Variants in EIF4G2 observed in about 807,000 individuals in gnomAD.
EIF4G2 encodes the protein DAP-5.
Under a neutral mutation model 117.7 loss-of-function variants are expected in EIF4G2, and 8 were observed. That is an observed-to-expected ratio of 0.07 (90% CI 0.04 to 0.12). The LOEUF (loss-of-function observed/expected upper bound fraction) is 0.12. Among genes scored for constraint, EIF4G2 ranks in the 10% least tolerant of loss-of-function variants. The pLI, the probability that EIF4G2 is intolerant of heterozygous loss-of-function variation, is 1.00. For missense variants in EIF4G2, 812 were observed against 1,086.2 expected (o/e 0.75, Z 3.55); for synonymous variants, 413 against 367.8 (o/e 1.12, Z -1.41).
chr11:10,797,573 AT>A lies in EIF4G2; in HGVS notation c.*242del, dbSNP rs1847292993. 2.1e-6 allele frequency: 1 copy of A among 473,076 alleles called. No individual in the cohort carries two copies. The highest frequency in any genetic ancestry group is 3.8e-6 in the Non-Finnish European group (1 of 265,338). The allele number at this position is 473,076 out of a possible 1,614,324, so 29.3% of individuals were successfully genotyped here. On this transcript the variant is annotated 3_prime_UTR_variant, in exon 22 of 22. Transcript: ENST00000339995. The surrounding 1 kb of genome is among the most constrained non-coding windows in gnomAD (Gnocchi z 4.5). Reference sequence around the variant, plus strand: ...CTGCTTGAGAACTTATGATGTAATTATTGCATGCTGCTAATATACTATCTAA... The same window carrying A: ...CTGCTTGAGAACTTATGATGTAATTATGCATGCTGCTAATATACTATCTAA...
rs776858533 is a variant in EIF4G2 at position 10,800,827 on chromosome 11, C to G, written c.1548G>C (p.Gln516His). 3.7e-6 allele frequency: 6 copies of G among 1,613,946 alleles called. No individual in the cohort carries two copies. The highest frequency in any genetic ancestry group is 5.1e-6 in the Non-Finnish European group (6 of 1,179,962). Reference sequence around the variant, plus strand: ...GCGGTGGATTAGTTTTGAGACCAAGCTGAGGTGTCTAAAAAACAAGCAATG... The same window carrying G: ...GCGGTGGATTAGTTTTGAGACCAAGGTGAGGTGTCTAAAAAACAAGCAATG... Residue 516 changes from glutamine to histidine, a missense_variant, in exon 16 of 22, where the codon CAG becomes CAC. Physicochemically the swap from Gln to His is conservative, Grantham distance 24. This residue lies in a region of EIF4G2 where 571 missense variants were observed against 642.3 expected (regional missense o/e 0.89). Coordinates refer to ENST00000339995, the MANE Select transcript of EIF4G2 (RefSeq NM_001418.4).
In EIF4G2 at chr11:10,805,926, T is replaced by C. The variant is rs1437274262; in HGVS notation, c.229A>G (p.Ile77Val). 1 of 1,614,126 alleles carries C rather than the reference T, an allele frequency of 6.2e-7. No individual in the cohort carries two copies. The highest frequency in any genetic ancestry group is 8.5e-7 in the Non-Finnish European group (1 of 1,180,052). ...ACTTACCCTCTTACTTTCCTGAAGA[T>C]TGCATCATGTCGTTCTTTTTCGTTT... Residue 77 changes from isoleucine (I) to valine (V), a missense_variant, in exon 4 of 22, where the codon ATC becomes GTC. Coordinates refer to ENST00000339995, the MANE Select transcript of EIF4G2 (RefSeq NM_001418.4).
rs368106384 is a variant in EIF4G2, at chr11:10,803,137, G to A, written c.898-9C>T. Reference sequence around the variant, plus strand: ...CGCAACTCTACGGTATCCTTTAATTGAAAAATAATTTTATTTTAATATTCC... The same window carrying A: ...CGCAACTCTACGGTATCCTTTAATTAAAAAATAATTTTATTTTAATATTCC... On this transcript the variant is annotated splice_polypyrimidine_tract_variant and intron_variant, in intron 10 of 21. Transcript: ENST00000339995. This position sits in a 1 kb window ranked among gnomAD's most constrained non-coding sequence, Gnocchi z 4.0. 119 of 1,603,602 alleles carry A rather than the reference G, an allele frequency of 7.4e-5. No individual in the cohort carries two copies. Among genetic ancestry groups the A allele is most frequent in the Non-Finnish European group, 9.2e-5 (108 of 1,176,566 alleles).
chr11:10,803,045 A>C lies in EIF4G2; in HGVS notation c.981T>G (p.Arg327=). The change falls in exon 11 of 22, where the codon CGT becomes CGG. Residue 327 remains arginine (R), a synonymous_variant. Transcript: ENST00000339995. This position sits in a 1 kb window ranked among gnomAD's most constrained non-coding sequence, Gnocchi z 4.0. ...CCAATCTTACTTTTACTGCATCTTG[A>C]CGAATTTGATTGATCGTCTTTGGTC... The C allele has an allele frequency of 6.2e-7, 1 of 1,609,506 alleles. No individual in the cohort carries two copies. The highest frequency in any genetic ancestry group is 8.5e-7 in the Non-Finnish European group (1 of 1,178,010).
At chr11:10,802,236 C>G in intron 12 of EIF4G2, 27 bp from the exon 13 acceptor site, 1 of 1,612,032 alleles carries the variant, frequency 6.2e-7, no homozygotes, top group South Asian at 1.1e-5. Context: ...GGACAACTCT[C>G]AAAACTAAAG....
chr11:10,805,048 G>A (rs1847524371), intron 4 of EIF4G2, 33 bp from the exon 5 acceptor site: 1 of 1,500,944 alleles, frequency 6.7e-7, no homozygotes, highest in African/African-American at 1.4e-5. Flanking sequence ...TTAAGTGTTA[G>A]CTAATACACA....
At chr11:10,798,936 A>T in intron 21 of EIF4G2, 56 bp downstream of exon 21, 2 of 1,561,536 alleles carry the variant, frequency 1.3e-6, no homozygotes, top group South Asian at 1.2e-5. Context: ...TCTTAACTTG[A>T]AGTTAATACC....
Position 10,801,068 on chromosome 11 carries a change from T to A in EIF4G2, c.1433A>T (p.Gln478Leu). Residue 478 changes from glutamine (Q) to leucine (L), a missense_variant, in exon 15 of 22, where the codon CAG (glutamine) becomes CTG (leucine). Physicochemically the swap from Gln to Leu is moderately radical, Grantham distance 113 (BLOSUM62 -2). This residue lies in a region of EIF4G2 where 571 missense variants were observed against 642.3 expected (regional missense o/e 0.89). Coordinates refer to ENST00000339995, the MANE Select transcript of EIF4G2 (RefSeq NM_001418.4). ...TTGATTTTTATTCATTAGGAACGAC[T>A]GAGCAGGCCTCAGGCTAATCTGGAA... 6.2e-7 allele frequency: 1 copy of A among 1,614,146 alleles called. No homozygotes were observed. The highest frequency in any genetic ancestry group is 8.5e-7 in the Non-Finnish European group (1 of 1,179,998).
rs776879600 is a variant in EIF4G2 at position 10,806,854 on chromosome 11, C to T, written c.73G>A (p.Ala25Thr). The change falls in exon 3 of 22, where the codon GCA (alanine) becomes ACA (threonine). Residue 25 changes from alanine to threonine, a missense_variant. Around this residue, in one of 4 missense-constraint regions of EIF4G2, gnomAD observed 79 missense variants for 91.5 expected, o/e 0.86. Transcript: ENST00000339995. ...GCAGTCTTGGGATAGTGCTGAGGTGCACCCCTACTTCCTCCTCCGCCCGAA... is the reference window on the plus strand; with the variant it reads ...GCAGTCTTGGGATAGTGCTGAGGTGTACCCCTACTTCCTCCTCCGCCCGAA... 1.2e-6 allele frequency: 2 copies of T among 1,614,136 alleles called. No homozygotes were observed. Among genetic ancestry groups the T allele is most frequent in the East Asian group, 2.2e-5 (1 of 44,878 alleles).
intron 1 of EIF4G2, chr11:10,808,478 C>A: frequency 8.0e-7 from 1 of 1,252,974 alleles, no homozygotes; most frequent in East Asian, 7.6e-5. Context: ...CATGACCGCA[C>A]GGCGGCCTGG....
At chr11:10,802,473 G>A (rs1590041935) in intron 11 of EIF4G2, 38 bp from the exon 12 acceptor site, 1 of 1,514,728 alleles carries the variant, frequency 6.6e-7, no homozygotes. Flanking sequence ...TTTGTCTCTG[G>A]ACACTATTTC....
At chr11:10,804,715 G>C in intron 5 of EIF4G2, 198 bp downstream of exon 5, 3 of 603,030 alleles carry the variant, frequency 5.0e-6, no homozygotes. Flanking sequence ...ACCATACCAT[G>C]AACTTAACAT....
chr11:10,808,653 A>G (rs1169616241), intron 1 of EIF4G2, 52 bp downstream of exon 1: 8 of 337,366 alleles, frequency 2.4e-5, no homozygotes, highest in Non-Finnish European at 3.8e-5. Flanking sequence ...GCGACCAGGG[A>G]CGGCGGCCAT....
Position 10,803,015 on chromosome 11 carries a change from A to C in EIF4G2, c.996+15T>G, listed in dbSNP as rs1453403992. 3 of 1,604,498 alleles carry C rather than the reference A, an allele frequency of 1.9e-6. No individual in the cohort carries two copies. Among genetic ancestry groups the C allele is most frequent in the African/African-American group, 2.7e-5 (2 of 74,568 alleles). ...ACAGAGTCTATGTGACAAACAAAAC[A>C]AAACCCAATCTTACTTTTACTGCAT... is the stretch of plus-strand genomic sequence containing the variant. On this transcript the variant is annotated intron_variant, in intron 11 of 21. Coordinates refer to ENST00000339995, the MANE Select transcript of EIF4G2 (RefSeq NM_001418.4). The surrounding 1 kb of genome is among the most constrained non-coding windows in gnomAD (Gnocchi z 4.0).
chr11:10,803,728 G>A lies in EIF4G2; in HGVS notation c.703-138C>T, dbSNP rs1443334616. On this transcript the variant is annotated intron_variant, in intron 8 of 21. Transcript: ENST00000339995. The surrounding 1 kb of genome is among the most constrained non-coding windows in gnomAD (Gnocchi z 4.0). Reference sequence around the variant, plus strand: ...TATAGGGCTTTCTACCAGTCTGGTTGATCAGTTCTAACTCTACTTTGTCAA... The same window carrying A: ...TATAGGGCTTTCTACCAGTCTGGTTAATCAGTTCTAACTCTACTTTGTCAA... 8.9e-7 allele frequency: 1 copy of A among 1,125,342 alleles called. No individual in the cohort carries two copies. Among genetic ancestry groups the A allele is most frequent in the African/African-American group, 1.6e-5 (1 of 64,216 alleles). The allele number at this position is 1,125,342 out of a possible 1,614,324, so 69.7% of individuals were successfully genotyped here.
In EIF4G2 at chr11:10,804,272, AAAAC is replaced by A; in HGVS notation, c.483+11_483+14del. ...AAGTCAACTTTAAAACAAGCAAACA[AAAAC>A]TACCACTTACGGTGCTTTGCTTCTG... On this transcript the variant is annotated intron_variant, in intron 6 of 21. Coordinates refer to ENST00000339995, the MANE Select transcript of EIF4G2 (RefSeq NM_001418.4). The A allele has an allele frequency of 6.2e-7, 1 of 1,613,028 alleles. No individual in the cohort carries two copies. Among genetic ancestry groups the A allele is most frequent in the South Asian group, 1.1e-5 (1 of 91,052 alleles).
chr11:10,807,012 C>T, intron 2 of EIF4G2, 127 bp from the exon 3 acceptor site: 1 of 1,230,746 alleles, frequency 8.1e-7, no homozygotes. Flanking sequence ...AGACTGGAGC[C>T]AGGCCTGTAT....
In EIF4G2 at chr11:10,805,030, A is replaced by G; in HGVS notation, c.249-15T>C. The G allele has an allele frequency of 1.3e-6, 2 of 1,591,976 alleles. No individual in the cohort carries two copies. The highest frequency in any genetic ancestry group is 1.7e-6 in the Non-Finnish European group (2 of 1,159,864). On this transcript the variant is annotated splice_polypyrimidine_tract_variant and intron_variant, in intron 4 of 21. Transcript: ENST00000339995. ...TATTTAGTATGCTGGAGAAAAAGGA[A>G]TTACATTTTAAGTGTTAGCTAATAC...
chr11:10,799,608 A>G lies in EIF4G2; in HGVS notation c.2268T>C (p.Asp756=). Residue 756 remains aspartate (D), a synonymous_variant, in exon 19 of 22, where the codon GAT becomes GAC. Transcript: ENST00000339995. ...CTACATGAAGTTTGGGAGAGATGTTATCTTTAATCCATTTATATATGGTTT... is the reference window on the plus strand; with the variant it reads ...CTACATGAAGTTTGGGAGAGATGTTGTCTTTAATCCATTTATATATGGTTT... 6.2e-7 allele frequency: 1 copy of G among 1,614,164 alleles called. No homozygotes were observed. Among genetic ancestry groups the G allele is most frequent in the Non-Finnish European group, 8.5e-7 (1 of 1,180,016 alleles).
Sources: gnomAD v4.1 joint callset for allele counts on GRCh38, gnomAD v4.1.1 for gene constraint, gnomAD v4.1.1 regional missense constraint, Gnocchi (gnomAD v3.1) non-coding constraint, MANE v1.5 for transcripts, NCBI Gene and HGNC (gene_info 2026-07-23, HGNC 2026-07-21) for gene names.